The following TBC1D30 variants were observed in gnomAD, a reference collection of about 807,000 sequenced individuals.
The protein encoded by TBC1D30 is TBC1 domain family member 30.
Under a neutral mutation model 63.2 loss-of-function variants are expected in TBC1D30, and 31 were observed. The ratio of observed to expected loss-of-function variants is 0.49; its 90% CI spans 0.37 to 0.66. The LOEUF is 0.66. Ranked by LOEUF, TBC1D30 falls within the 30% of genes least tolerant of loss-of-function variation. The pLI, the probability that TBC1D30 is intolerant of heterozygous loss-of-function variation, is 0.00. For synonymous variants in TBC1D30, 307 were observed against 361.5 expected (o/e 0.85, Z 1.71); for missense variants, 810 against 953.6 (o/e 0.85, Z 1.98).
chr12:64,772,680 G>A (rs1316188561), intron 1 of TBC1D30, among the ~76,000 whole-genome samples: 2 of 151,848 alleles, frequency 1.3e-5, no homozygotes, highest in African/African-American at 4.8e-5. Context: ...CACCTGCCTC[G>A]GCCTCCTAAA....
At chr12:64,773,723 G>A (rs1206706282) in intron 1 of TBC1D30, among the ~76,000 whole-genome samples, 1 of 152,198 alleles carries the variant, frequency 6.6e-6, no homozygotes, top group East Asian at 1.9e-4. Flanking sequence ...CAGGCTGCCA[G>A]CAAACCACAG....
At position 64,827,903 on chromosome 12, in the gene TBC1D30, T is replaced by C. The variant is rs1027064908; in HGVS notation, c.216+7T>C. 4 of 1,532,384 alleles carry C rather than the reference T, an allele frequency of 2.6e-6. No homozygotes were observed. The highest frequency in any genetic ancestry group is 3.5e-6 in the Non-Finnish European group (4 of 1,144,622). 94.9% of individuals were successfully genotyped at this position (1,532,384 alleles called of 1,614,324 possible). A position where few individuals can be genotyped will look rare whatever the true frequency, so the allele number is the denominator to read the frequency against. ...TCAAAATGGTTTTCAGCAGGTAACT[T>C]TGATTTTGAAAACACTCTTCTTTTG... On this transcript the variant is annotated splice_region_variant and intron_variant, in intron 2 of 11. Coordinates refer to ENST00000539867, the MANE Select transcript of TBC1D30 (RefSeq NM_015279.2).
intron 2 of TBC1D30, among the ~76,000 whole-genome samples, chr12:64,791,930 AG>A (rs1440574561): frequency 6.6e-6 from 1 of 152,124 alleles, no homozygotes; most frequent in Non-Finnish European, 1.5e-5. Context: ...AAATAACTAC[AG>A]GATTATTTGT....
At chr12:64,831,984 G>A in intron 4 of TBC1D30, 135 bp from the exon 5 acceptor site, 1 of 750,772 alleles carries the variant, frequency 1.3e-6, no homozygotes, top group Non-Finnish European at 2.0e-6. Flanking sequence ...TGGCTCATAT[G>A]TATAAAAACA....
At chr12:64,769,743 A>G (rs1035435035) in intron 1 of TBC1D30, among the ~76,000 whole-genome samples, 13 of 152,110 alleles carry the variant, frequency 8.5e-5, no homozygotes, top group Non-Finnish European at 1.0e-4. Flanking sequence ...GCTGGTCTCA[A>G]ACTCCTGACC....
chr12:64,827,990 T>C, intron 2 of TBC1D30, 94 bp downstream of exon 2: 4 of 871,046 alleles, frequency 4.6e-6, no homozygotes, highest in Non-Finnish European at 7.0e-6. Flanking sequence ...TTCTTTGATA[T>C]GAATGTGAAG....
intron 1 of TBC1D30, among the ~76,000 whole-genome samples, chr12:64,770,051 C>A (rs888119730): frequency 2.6e-5 from 4 of 152,138 alleles, no homozygotes; most frequent in Non-Finnish European, 5.9e-5. Flanking sequence ...CATTCTATCA[C>A]CGTATCTCTA....
At chr12:64,801,760 AAGAC>A (rs1192145288) in intron 2 of TBC1D30, among the ~76,000 whole-genome samples, 1 of 152,236 alleles carries the variant, frequency 6.6e-6, no homozygotes, top group Non-Finnish European at 1.5e-5. Context: ...TCTAGTTAGA[AAGAC>A]TGAAAAATAG....
intron 2 of TBC1D30, chr12:64,786,118 G>C (rs1592540442): frequency 8.6e-7 from 1 of 1,160,632 alleles, no homozygotes; most frequent in Non-Finnish European, 1.1e-6. Flanking sequence ...CCAACAGTCT[G>C]TGTTTGTGAA....
chr12:64,843,515 C>A, intron 8 of TBC1D30, 30 bp downstream of exon 8: 1 of 1,505,422 alleles, frequency 6.6e-7, no homozygotes, highest in Non-Finnish European at 8.9e-7. Context: ...CAGCTTGGCT[C>A]GGGGAACCCC....
chr12:64,825,220 C>T (rs1319521592), intron 1 of TBC1D30, among the ~76,000 whole-genome samples, 187 bp downstream of exon 1: 1 of 152,174 alleles, frequency 6.6e-6, no homozygotes, highest in Non-Finnish European at 1.5e-5. Context: ...CAGACGGGGG[C>T]CTGGGTGGGG....
At chr12:64,873,595 C>T (rs920162165) in intron 11 of TBC1D30, among the ~76,000 whole-genome samples, 18 of 152,198 alleles carry the variant, frequency 1.2e-4, no homozygotes, top group African/African-American at 4.1e-4. Context: ...AGCCAGAAGT[C>T]TCTGTGGTTC....
upstream of TBC1D30, among the ~76,000 whole-genome samples, chr12:64,819,893 G>A (rs1873786353): frequency 1.3e-5 from 2 of 152,108 alleles, no homozygotes; most frequent in Non-Finnish European, 1.5e-5. Flanking sequence ...TATCACAGGT[G>A]CAAAATGTCC....
At chr12:64,798,051 T>C (rs1872383672) in intron 2 of TBC1D30, among the ~76,000 whole-genome samples, 1 of 152,232 alleles carries the variant, frequency 6.6e-6, no homozygotes, top group Non-Finnish European at 1.5e-5. Flanking sequence ...GTATTGGCCC[T>C]ACTTACCTCT....
intron 1 of TBC1D30, among the ~76,000 whole-genome samples, chr12:64,766,886 C>T (rs1443005531): frequency 6.6e-6 from 1 of 151,940 alleles, no homozygotes; most frequent in African/African-American, 2.4e-5. Context: ...CATAAGATTC[C>T]CAGAGAAATT....
Position 64,875,210 on chromosome 12 carries a change from C to G in TBC1D30, c.1708C>G (p.Arg570Gly). Residue 570 changes from arginine to glycine, a missense_variant, in exon 12 of 12, where the codon CGA becomes GGA. This residue lies in a region of TBC1D30 where 450 missense variants were observed against 473.0 expected (regional missense o/e 0.95). Coordinates refer to ENST00000539867, the MANE Select transcript of TBC1D30 (RefSeq NM_015279.2). The part of the protein sequence containing the change: ...KLNSPWRTHI[R>G]VHKKNMPRTK... ...CAACTCCCCGTGGCGAACTCACATC[C>G]GAGTCCACAAAAAGAACATGCCAAG... 3 of 1,536,328 alleles carry G rather than the reference C, an allele frequency of 2.0e-6. No individual in the cohort carries two copies. The highest frequency in any genetic ancestry group is 2.6e-6 in the Non-Finnish European group (3 of 1,146,918).
chr12:64,798,775 C>T (rs1408693978), intron 2 of TBC1D30, among the ~76,000 whole-genome samples: 1 of 150,126 alleles, frequency 6.7e-6, no homozygotes, highest in Non-Finnish European at 1.5e-5. Flanking sequence ...TGGGCCTCAG[C>T]ATCTGCCAGG....
chr12:64,806,280 A>G (rs1260554646), intron 2 of TBC1D30, among the ~76,000 whole-genome samples: 1 of 152,214 alleles, frequency 6.6e-6, no homozygotes, highest in Non-Finnish European at 1.5e-5. Flanking sequence ...CAGTGCTTTG[A>G]ATATAGTTAG....
At chr12:64,864,452 GC>G (rs1200430578) in intron 8 of TBC1D30, among the ~76,000 whole-genome samples, 3 of 152,234 alleles carry the variant, frequency 2.0e-5, no homozygotes, top group African/African-American at 7.2e-5. Flanking sequence ...CCCAGCTGCA[GC>G]TGGGTTGATT....
Sources: gnomAD v4.1 joint callset for allele counts (sites outside exome capture counted in the v4.1 genomes callset) on GRCh38, gnomAD v4.1.1 for gene constraint, gnomAD v4.1.1 regional missense constraint, MANE v1.5 for transcripts, NCBI Gene and HGNC (gene_info 2026-07-23, HGNC 2026-07-21) for gene names.